The following SLC14A2 variants were observed in gnomAD, a reference collection of about 807,000 sequenced individuals.
SLC14A2 encodes solute carrier family 14 member 2, also known as urea transporter 2.
Under a neutral mutation model 104.6 loss-of-function variants are expected in SLC14A2, and 91 were observed. The observed-to-expected ratio is 0.87, with a 90% confidence interval of 0.73 to 1.04. SLC14A2 has a LOEUF of 1.04. SLC14A2 is among the 50% of genes least tolerant of loss of function. The pLI is 0.00. For missense variants in SLC14A2, 1,189 were observed against 1,156.0 expected (o/e 1.03, Z -0.41); for synonymous variants, 476 against 466.4 (o/e 1.02, Z -0.27).
At chr18:45,676,957 T>C (rs2046237977) in intron 18 of SLC14A2, among the ~76,000 whole-genome samples, 2 of 152,120 alleles carry the variant, frequency 1.3e-5, no homozygotes, top group Admixed American at 1.3e-4. Context: ...CCAGAACAGT[T>C]AGGCCCTTTT....
chr18:45,439,424 C>T (rs976053836), intron 1 of SLC14A2, among the ~76,000 whole-genome samples: 3 of 150,294 alleles, frequency 2.0e-5, no homozygotes, highest in Non-Finnish European at 4.4e-5. Context: ...TACTGATTCT[C>T]ATGCTATGTA....
intron 2 of SLC14A2, among the ~76,000 whole-genome samples, chr18:45,592,548 G>A (rs1170631422): frequency 6.6e-6 from 1 of 152,224 alleles, no homozygotes; most frequent in African/African-American, 2.4e-5. Context: ...TGAGACTCAA[G>A]ACTAGAAGGC....
chr18:45,512,414 C>A (rs1362761116), intron 2 of SLC14A2, among the ~76,000 whole-genome samples: 6 of 152,130 alleles, frequency 3.9e-5, no homozygotes, highest in African/African-American at 1.2e-4. Context: ...AGAAAATTGC[C>A]TGATGCATAC....
chr18:45,492,913 T>C (rs1372470245), intron 2 of SLC14A2: 1 of 152,242 alleles, frequency 6.6e-6, no homozygotes, highest in Non-Finnish European at 1.5e-5. Flanking sequence ...GAGACAATTA[T>C]CTTGAAGCCC....
chr18:45,498,960 G>T, intron 2 of SLC14A2, among the ~76,000 whole-genome samples: 1 of 152,172 alleles, frequency 6.6e-6, no homozygotes, highest in East Asian at 1.9e-4. Flanking sequence ...TAAGCCTTTA[G>T]CCTCTGCAGT....
At chr18:45,487,544 G>C (rs1484439512) in intron 2 of SLC14A2, among the ~76,000 whole-genome samples, 1 of 152,192 alleles carries the variant, frequency 6.6e-6, no homozygotes, top group East Asian at 1.9e-4. Context: ...GAGTTGGTTG[G>C]TTGAGCAAGG....
intron 2 of SLC14A2, among the ~76,000 whole-genome samples, chr18:45,510,493 T>A (rs2043350551): frequency 6.6e-6 from 1 of 151,952 alleles, no homozygotes; most frequent in Non-Finnish European, 1.5e-5. Flanking sequence ...CTGCCACCAG[T>A]GGAGTGGTGC....
chr18:45,482,431 A>G (rs956895242), intron 1 of SLC14A2: 5 of 152,114 alleles, frequency 3.3e-5, no homozygotes, highest in African/African-American at 4.8e-5. Context: ...GCTTGGCTTA[A>G]CTCCATCCTC....
intron 2 of SLC14A2, among the ~76,000 whole-genome samples, chr18:45,515,093 C>T (rs1176737593): frequency 1.3e-5 from 2 of 152,214 alleles, no homozygotes; most frequent in African/African-American, 4.8e-5. Flanking sequence ...ACCACTCACA[C>T]ACATGTTAAA....
At chr18:45,514,377 C>G (rs2043408714) in intron 2 of SLC14A2, among the ~76,000 whole-genome samples, 2 of 152,170 alleles carry the variant, frequency 1.3e-5, no homozygotes, top group African/African-American at 4.8e-5. Flanking sequence ...TGAGACAACA[C>G]TACAGGAAAG....
chr18:45,374,801 G>A (rs1480324968), intron 1 of SLC14A2, among the ~76,000 whole-genome samples: 1 of 152,058 alleles, frequency 6.6e-6, no homozygotes, highest in Non-Finnish European at 1.5e-5. Context: ...TTCTAACCTA[G>A]GGAACCAAAT....
At chr18:45,435,033 T>G (rs2086574662) in intron 1 of SLC14A2, among the ~76,000 whole-genome samples, 1 of 152,208 alleles carries the variant, frequency 6.6e-6, no homozygotes, top group Non-Finnish European at 1.5e-5. Flanking sequence ...TTTCTATAAT[T>G]CAAGACTCTG....
the SLC14A2 span, among the ~76,000 whole-genome samples, chr18:45,192,636 G>GGTTTTTTTTT: frequency 1.8e-5 from 2 of 112,752 alleles, no homozygotes; most frequent in Non-Finnish European, 3.9e-5. Flanking sequence ...GTGTGTGTGT[G>GGTTTTTTTTT]GTTTTTTTTT....
chr18:45,516,347 T>C (rs1388348903), intron 2 of SLC14A2, among the ~76,000 whole-genome samples: 1 of 152,146 alleles, frequency 6.6e-6, no homozygotes, highest in African/African-American at 2.4e-5. Context: ...TTGAAGACCT[T>C]GGTCCCCCTC....
At chr18:45,445,016 T>C (rs2086742253) in intron 1 of SLC14A2, among the ~76,000 whole-genome samples, 1 of 151,788 alleles carries the variant, frequency 6.6e-6, no homozygotes, top group Admixed American at 6.6e-5. Context: ...AATGGAACTA[T>C]GAAGGAATGC....
At position 45,668,442 on chromosome 18, in the gene SLC14A2, G is replaced by A. The variant is rs2046069567; in HGVS notation, c.2001G>A (p.Trp667Ter). 6.2e-7 allele frequency: 1 copy of A among 1,614,132 alleles called. No individual in the cohort carries two copies. Among genetic ancestry groups the A allele is most frequent in the African/African-American group, 1.3e-5 (1 of 75,018 alleles). ...VFSDKGDYYW[W>*]LLLPVIIMSM... ...CAGACAAAGGTGACTACTACTGGTG[G>A]CTGTTGCTACCCGTCATCATCATGT... Residue 667 changes from tryptophan (W) to a stop codon, truncating the protein, a stop_gained, in exon 15 of 20, where the codon TGG becomes TGA. Transcript: ENST00000255226. LOFTEE classifies it high-confidence loss of function.
At chr18:45,326,039 A>G (rs912258400) in intron 1 of SLC14A2, among the ~76,000 whole-genome samples, 3 of 152,246 alleles carry the variant, frequency 2.0e-5, no homozygotes, top group African/African-American at 7.2e-5. Context: ...AGAGCCACAA[A>G]CAATGGCAGA....
chr18:45,611,128 C>A (rs1264170131), upstream of SLC14A2, among the ~76,000 whole-genome samples: 4 of 152,236 alleles, frequency 2.6e-5, no homozygotes, highest in East Asian at 5.8e-4. Context: ...CTACCCTCAC[C>A]AAACACCAGC....
At chr18:45,452,143 G>A (rs775193037) in intron 1 of SLC14A2, among the ~76,000 whole-genome samples, 3 of 152,188 alleles carry the variant, frequency 2.0e-5, no homozygotes, top group Non-Finnish European at 2.9e-5. Context: ...CTCAAGTTCT[G>A]ATTTGATCCT....
Sources: gnomAD v4.1 joint callset for allele counts (sites outside exome capture counted in the v4.1 genomes callset) on GRCh38, gnomAD v4.1.1 for gene constraint, MANE v1.5 for transcripts, NCBI Gene and HGNC (gene_info 2026-07-23, HGNC 2026-07-21) for gene names.